The following OPCML variants were observed in gnomAD, a reference collection of about 807,000 sequenced individuals.
OPCML encodes the protein opioid-binding protein/cell adhesion molecule.
A neutral mutation model predicts 37.8 loss-of-function variants in OPCML; 13 were observed. The observed-to-expected ratio is 0.34, with a 90% CI of 0.22 to 0.55. The LOEUF (loss-of-function observed/expected upper bound fraction) is 0.55. OPCML is among the 20% of genes least tolerant of loss of function. The pLI is 0.91. For missense variants in OPCML, 341 were observed against 435.6 expected, an observed-to-expected ratio of 0.78 and a Z score of 1.93; for synonymous variants, 176 against 168.8, an observed-to-expected ratio of 1.04 and a Z score of -0.33.
chr11:133,261,030 G>A (rs184229398), intron 1 of OPCML, among the ~76,000 whole-genome samples: 12 of 152,270 alleles, frequency 7.9e-5, no homozygotes, highest in Non-Finnish European at 1.6e-4. Flanking sequence ...GGTTTATAAG[G>A]TCAGTTCTTT....
rs184966818 is a variant in OPCML, at chr11:133,173,770, C to T, written c.62-230760G>A. Among the ~76,000 whole-genome samples the T allele has an allele frequency of 6.6e-6, 1 of 152,182 alleles. No homozygotes were observed. The highest frequency in any genetic ancestry group is 1.5e-5 in the Non-Finnish European group (1 of 68,036). Reference sequence around the variant, plus strand: ...CATAAGTAAAGAAAAAATAGAATTACGTTTTTCTCTTTTTCCCCATCCCAG... The same window carrying T: ...CATAAGTAAAGAAAAAATAGAATTATGTTTTTCTCTTTTTCCCCATCCCAG... On this transcript the variant is annotated intron_variant, in intron 1 of 7. Transcript: ENST00000524381. This position sits in a 1 kb window ranked among gnomAD's most constrained non-coding sequence, Gnocchi z 7.8.
chr11:132,945,952 T>G (rs888405033), intron 1 of OPCML, among the ~76,000 whole-genome samples: 2 of 152,114 alleles, frequency 1.3e-5, no homozygotes, highest in African/African-American at 2.4e-5. Flanking sequence ...CCAGCTAACT[T>G]TTTGTATTTT....
At chr11:133,383,826 T>G (rs1431972020) in intron 1 of OPCML, among the ~76,000 whole-genome samples, 2 of 152,204 alleles carry the variant, frequency 1.3e-5, no homozygotes, top group East Asian at 1.9e-4. Context: ...ATGTTTCTAG[T>G]CTCATAGTTC....
intron 1 of OPCML, among the ~76,000 whole-genome samples, chr11:133,033,123 C>T (rs886220841): frequency 5.3e-5 from 8 of 152,172 alleles, no homozygotes; most frequent in Non-Finnish European, 8.8e-5. Context: ...CCAGAAAAGG[C>T]TCTTTCATCT....
intron 1 of OPCML, among the ~76,000 whole-genome samples, chr11:133,498,976 C>T (rs948723392): frequency 6.6e-6 from 1 of 152,176 alleles, no homozygotes; most frequent in African/African-American, 2.4e-5. Flanking sequence ...TACAATGAGG[C>T]ACATGAGGTT....
intron 3 of OPCML, among the ~76,000 whole-genome samples, chr11:132,604,094 AT>A (rs1938113849): frequency 6.6e-6 from 1 of 152,124 alleles, no homozygotes; most frequent in South Asian, 2.1e-4. Flanking sequence ...TTAGCAAATG[AT>A]TCTAAATATT....
rs569273151 is a variant in OPCML, at chr11:132,974,969, A to G, written c.62-31959T>C. Reference sequence around the variant, plus strand: ...GAGTCTATAGCTTCAATTATTACCTATAAGCTAATAATTCACTAATCAGTC... The same window carrying G: ...GAGTCTATAGCTTCAATTATTACCTGTAAGCTAATAATTCACTAATCAGTC... On this transcript the variant is annotated intron_variant, in intron 1 of 7. Transcript: ENST00000524381. Among the ~76,000 whole-genome samples, 45 of 151,768 alleles carry G rather than the reference A, an allele frequency of 3.0e-4. 1 individual carries two copies. In the South Asian group the frequency reaches 8.9e-3, roughly 30 times the overall value.
chr11:133,118,370 A>C (rs929110058), intron 1 of OPCML: 1 of 985,202 alleles, frequency 1.0e-6, no homozygotes, highest in Non-Finnish European at 1.2e-6. Context: ...TAACGGTGAG[A>C]GTTATAAACT....
intron 1 of OPCML, among the ~76,000 whole-genome samples, chr11:132,998,575 T>C (rs1271559663): frequency 8.5e-5 from 13 of 152,328 alleles, no homozygotes; most frequent in African/African-American, 3.1e-4. Flanking sequence ...CATGTTGTCG[T>C]TAGGCATAAA....
At chr11:133,012,367 A>G (rs1486396249) in intron 1 of OPCML, among the ~76,000 whole-genome samples, 1 of 152,152 alleles carries the variant, frequency 6.6e-6, no homozygotes, top group Non-Finnish European at 1.5e-5. Flanking sequence ...AGTACAAACT[A>G]CAGAACTCTA....
chr11:132,840,820 A>G (rs1220849566), intron 2 of OPCML, among the ~76,000 whole-genome samples: 1 of 152,104 alleles, frequency 6.6e-6, no homozygotes, highest in Admixed American at 6.5e-5. Flanking sequence ...TGCTCGTTAG[A>G]AAAATGTTGA....
chr11:132,549,886 C>T (rs774160017), intron 3 of OPCML, among the ~76,000 whole-genome samples: 3 of 152,166 alleles, frequency 2.0e-5, no homozygotes, highest in Non-Finnish European at 4.4e-5. Context: ...AAATTTGGCA[C>T]ATTTGCCACC....
rs77810156 is a variant in OPCML, at chr11:133,527,337, T to C, written c.61+4927A>G. Among the ~76,000 whole-genome samples, 7 of 152,320 alleles carry C rather than the reference T, an allele frequency of 4.6e-5. No homozygotes were observed. The East Asian group carries it at 1.3e-3, about 29-fold the overall frequency. On this transcript the variant is annotated intron_variant, in intron 1 of 7. Transcript: ENST00000524381. ...AAGACCTAAAAGCTCAAAGTCAGAA[T>C]GCATATTTTATTGGGGGTCAAAAAG...
chr11:133,008,895 A>G (rs1947162325), intron 1 of OPCML: 3 of 985,438 alleles, frequency 3.0e-6, no homozygotes, highest in Non-Finnish European at 3.6e-6. Flanking sequence ...TGGTCATATG[A>G]GTGATCTGCA....
intron 1 of OPCML, among the ~76,000 whole-genome samples, chr11:133,465,311 C>A (rs1565649779): frequency 6.6e-6 from 1 of 152,144 alleles, no homozygotes; most frequent in Non-Finnish European, 1.5e-5. Context: ...CATACCCAAG[C>A]GATCTAGAGT....
chr11:133,484,042 ATAGATAGATAG>A (rs1947466155), intron 1 of OPCML, among the ~76,000 whole-genome samples: 83 of 119,584 alleles, frequency 6.9e-4, no homozygotes, highest in African/African-American at 2.5e-3. Context: ...AGATAGATAG[ATAGATAGATAG>A]ATAGATAGAT....
At chr11:132,468,993 A>T (rs1193455524) in intron 4 of OPCML, among the ~76,000 whole-genome samples, 1 of 152,204 alleles carries the variant, frequency 6.6e-6, no homozygotes, top group African/African-American at 2.4e-5. Flanking sequence ...TCTGTATGTT[A>T]TTGAAAGTAA....
At position 133,422,791 on chromosome 11, in the gene OPCML, C is replaced by G. The variant is rs964185251; in HGVS notation, c.61+109473G>C. 3 of 898,574 alleles carry G rather than the reference C, an allele frequency of 3.3e-6. No homozygotes were observed. The African/African-American group carries it at 5.4e-5, about 16-fold the overall frequency. The allele number at this position is 898,574 out of a possible 1,614,324, so 55.7% of individuals were successfully genotyped here. A position where few individuals can be genotyped will look rare whatever the true frequency, so the allele number is the denominator to read the frequency against. On this transcript the variant is annotated intron_variant, in intron 1 of 7. Transcript: ENST00000524381. ...TAAAGTATTTATGATTTTTATATTA[C>G]AAAATAAAAGAAACTCTTTTGGAAT...
intron 3 of OPCML, among the ~76,000 whole-genome samples, chr11:132,545,681 A>G (rs922680339): frequency 1.3e-5 from 2 of 152,214 alleles, no homozygotes; most frequent in Non-Finnish European, 2.9e-5. Flanking sequence ...ATAAGAAAAT[A>G]TATTATCATC....
Sources: allele counts gnomAD v4.1 joint callset (sites outside exome capture counted in the v4.1 genomes callset), GRCh38; gene constraint gnomAD v4.1.1; non-coding constraint Gnocchi (gnomAD v3.1); transcripts MANE v1.5; gene names NCBI Gene and HGNC (gene_info 2026-07-23, HGNC 2026-07-21).